The following PCDH11Y variants were observed in gnomAD, a reference collection of about 807,000 sequenced individuals.
PCDH11Y encodes the protein protocadherin-11 Y-linked.
For synonymous variants in PCDH11Y, 9 were observed against 83.6 expected (o/e 0.11, Z 4.87); for missense variants, 12 against 224.8 (o/e 0.05, Z 6.05).
intron 3 of PCDH11Y, among the ~76,000 whole-genome samples, chrY:5,575,143 A>G: frequency 1.2e-4 from 4 of 32,596 alleles, no homozygotes; most frequent in Admixed American, 8.4e-4. Context: ...TTATTGACCA[A>G]TGCCCCAGAG....
At chrY:5,156,183 G>A (rs2052869490) in intron 2 of PCDH11Y, among the ~76,000 whole-genome samples, 1 of 30,302 alleles carries the variant, frequency 3.3e-5, no homozygotes, top group Non-Finnish European at 7.9e-5. Context: ...GTGTGTGTGT[G>A]TGTGTGCGTG....
chrY:5,699,615 GT>G (rs2053575588), intron 4 of PCDH11Y, among the ~76,000 whole-genome samples: 2 of 33,436 alleles, frequency 6.0e-5, no homozygotes, highest in Admixed American at 2.7e-4. Flanking sequence ...GTGCGGTGCT[GT>G]GGGGAATTTC....
chrY:5,524,482 G>A, intron 3 of PCDH11Y, among the ~76,000 whole-genome samples: 1 of 32,623 alleles, frequency 3.1e-5, no homozygotes, highest in South Asian at 6.8e-4. Flanking sequence ...AGTTTGAGTA[G>A]GTCAATGCTA....
intron 2 of PCDH11Y, among the ~76,000 whole-genome samples, chrY:5,196,274 T>A (rs2052918586): frequency 3.0e-5 from 1 of 33,453 alleles, no homozygotes; most frequent in Non-Finnish European, 7.4e-5. Flanking sequence ...CAGTAGCTGA[T>A]CTGTTCAATT....
intron 2 of PCDH11Y, among the ~76,000 whole-genome samples, chrY:5,213,020 T>G: frequency 3.8e-5 from 1 of 26,557 alleles, no homozygotes; most frequent in African/African-American, 1.5e-4. Context: ...AACATTGCAA[T>G]TTACTTCTCT....
At chrY:5,153,681 C>T in intron 2 of PCDH11Y, among the ~76,000 whole-genome samples, 1 of 30,447 alleles carries the variant, frequency 3.3e-5, no homozygotes. Flanking sequence ...AGTTCTAAAA[C>T]GTAGACTATT....
intron 3 of PCDH11Y, among the ~76,000 whole-genome samples, chrY:5,570,071 G>C (rs2053438096): frequency 3.0e-5 from 1 of 32,898 alleles, no homozygotes; most frequent in African/African-American, 1.2e-4. Flanking sequence ...TAGTCATGAA[G>C]TGCAGATGAT....
chrY:5,526,075 T>A (rs1289598341), intron 3 of PCDH11Y, among the ~76,000 whole-genome samples: 118 of 32,799 alleles, frequency 3.6e-3, no homozygotes, highest in Non-Finnish European at 7.5e-3. Flanking sequence ...GGTTCTCTGA[T>A]GAAGATAGGT....
intron 1 of PCDH11Y, among the ~76,000 whole-genome samples, chrY:5,030,156 A>T: frequency 3.0e-5 from 1 of 33,046 alleles, no homozygotes; most frequent in African/African-American, 1.2e-4. Flanking sequence ...AATTTAGGTT[A>T]TCTGGCACTG....
At chrY:5,320,230 A>T (rs2053111176) in intron 2 of PCDH11Y, among the ~76,000 whole-genome samples, 3 of 34,108 alleles carry the variant, frequency 8.8e-5, no homozygotes, top group African/African-American at 2.3e-4. Context: ...TGCTATAAGC[A>T]TGAAATTTGA....
intron 2 of PCDH11Y, among the ~76,000 whole-genome samples, chrY:5,149,418 G>T (rs2052861330): frequency 3.3e-5 from 1 of 30,733 alleles, no homozygotes; most frequent in Admixed American, 3.1e-4. Flanking sequence ...TTCTTTCTTG[G>T]TATAGAAGGG....
intron 2 of PCDH11Y, among the ~76,000 whole-genome samples, chrY:5,328,734 C>T (rs2124667041): frequency 9.3e-5 from 3 of 32,146 alleles, no homozygotes; most frequent in South Asian, 7.3e-4. Context: ...AACTGTAAGC[C>T]GGAGCAGGTG....
chrY:5,326,101 A>G (rs2053119666), intron 2 of PCDH11Y, among the ~76,000 whole-genome samples: 1 of 33,016 alleles, frequency 3.0e-5, no homozygotes, highest in Non-Finnish European at 7.4e-5. Context: ...TGGTGATTTG[A>G]CTAATAAAGG....
At chrY:5,342,411 C>G in intron 2 of PCDH11Y, among the ~76,000 whole-genome samples, 1 of 33,732 alleles carries the variant, frequency 3.0e-5, no homozygotes, top group Non-Finnish European at 7.3e-5. Context: ...CCATGAAATG[C>G]TCATTAACAA....
chrY:5,004,313 A>T, intron 1 of PCDH11Y, among the ~76,000 whole-genome samples: 1 of 33,628 alleles, frequency 3.0e-5, no homozygotes, highest in East Asian at 7.8e-4. Context: ...CGTCCAGGTA[A>T]TGCTGGGTTT....
chrY:5,437,427 A>G, intron 2 of PCDH11Y, among the ~76,000 whole-genome samples: 1 of 31,008 alleles, frequency 3.2e-5, no homozygotes, highest in South Asian at 7.4e-4. Flanking sequence ...CTGTTACACT[A>G]CTTAGACAGG....
intron 1 of PCDH11Y, among the ~76,000 whole-genome samples, chrY:5,075,509 T>C: frequency 3.1e-5 from 1 of 32,295 alleles, no homozygotes; most frequent in African/African-American, 1.2e-4. Flanking sequence ...AAACGCTAGG[T>C]CTTATTCATT....
intron 1 of PCDH11Y, among the ~76,000 whole-genome samples, chrY:5,016,107 G>A: frequency 3.0e-5 from 1 of 33,102 alleles, no homozygotes; most frequent in Non-Finnish European, 7.4e-5. Flanking sequence ...TGTGAAAACA[G>A]ACTGATACAG....
intron 2 of PCDH11Y, among the ~76,000 whole-genome samples, chrY:5,129,299 T>C: frequency 3.0e-5 from 1 of 33,442 alleles, no homozygotes; most frequent in Non-Finnish European, 7.4e-5. Flanking sequence ...AGTGTTTTTG[T>C]ACATAGTTGA....
Sources: allele counts gnomAD v4.1 joint callset (sites outside exome capture counted in the v4.1 genomes callset), GRCh38; gene constraint gnomAD v4.1.1; transcripts MANE v1.5; gene names NCBI Gene and HGNC (gene_info 2026-07-23, HGNC 2026-07-21).